Variants in GPHN observed in about 807,000 individuals in gnomAD.
The protein encoded by GPHN is gephyrin.
GPHN carries 17 observed loss-of-function variants against 95.5 expected under a neutral mutation model. The ratio of observed to expected loss-of-function variants is 0.18; its 90% CI spans 0.12 to 0.27. GPHN has a LOEUF of 0.27. GPHN is among the 10% of genes least tolerant of loss of function. GPHN has a pLI of 1.00. For synonymous variants in GPHN, 320 were observed against 322.5 expected, an observed-to-expected ratio of 0.99 and a Z score of 0.08; for missense variants, 660 against 978.1, an observed-to-expected ratio of 0.67 and a Z score of 4.34.
At chr14:66,595,205 A>C (rs2061922133) in intron 1 of GPHN, among the ~76,000 whole-genome samples, 1 of 152,214 alleles carries the variant, frequency 6.6e-6, no homozygotes, top group Admixed American at 6.5e-5. Flanking sequence ...TTGGGTTGTA[A>C]ATTAGTATTA....
At chr14:66,982,747 C>T (rs999700837) in intron 9 of GPHN, among the ~76,000 whole-genome samples, 1 of 152,128 alleles carries the variant, frequency 6.6e-6, no homozygotes, top group Admixed American at 6.6e-5. Context: ...ACATTCAATT[C>T]TCAGACTTTG....
the GPHN span, among the ~76,000 whole-genome samples, chr14:67,663,446 G>A: frequency 8.3e-3 from 1,263 of 152,192 alleles, 14 homozygotes; most frequent in Non-Finnish European, 0.012. Flanking sequence ...GGCCGAGGCG[G>A]GCGGATCATG....
rs1481230517 is a variant in GPHN, at chr14:67,143,342, T to G, written c.1749-20T>G. 3 of 1,518,724 alleles carry G rather than the reference T, an allele frequency of 2.0e-6. No homozygotes were observed. In the Admixed American group the frequency reaches 5.0e-5, roughly 25 times the overall value. 94.1% of individuals were successfully genotyped at this position (1,518,724 alleles called of 1,614,324 possible). The stretch of plus-strand genomic sequence containing the variant: ...ATCTTTTCCTTGTGTGTTAATTTCT[T>G]TGTCTTTATTTTTTTCCAGCCCAGA... On this transcript the variant is annotated intron_variant, in intron 17 of 22. Transcript: ENST00000478722.
At chr14:67,682,842 T>C in the GPHN span, among the ~76,000 whole-genome samples, 2 of 152,202 alleles carry the variant, frequency 1.3e-5, no homozygotes, top group Non-Finnish European at 2.9e-5. Flanking sequence ...GCCCATCACC[T>C]GATGAATGAA....
intron 10 of GPHN, among the ~76,000 whole-genome samples, chr14:67,057,413 G>GA (rs945615809): frequency 5.9e-5 from 9 of 151,480 alleles, no homozygotes; most frequent in African/African-American, 1.9e-4. Context: ...CACATGGGTG[G>GA]GGGGGGCAAC....
At chr14:67,303,439 A>G in the GPHN span, 7 of 1,091,992 alleles carry the variant, frequency 6.4e-6, no homozygotes, top group South Asian at 8.8e-5. Flanking sequence ...GAAATAGTCC[A>G]GTTTAGGGAA....
At chr14:66,541,527 C>T (rs1043179683) in intron 1 of GPHN, among the ~76,000 whole-genome samples, 73 of 152,282 alleles carry the variant, frequency 4.8e-4, no homozygotes, top group Middle Eastern at 3.4e-3. Flanking sequence ...TTTATATAGT[C>T]ATTTATTTGT....
chr14:67,627,316 T>TTG, the GPHN span, among the ~76,000 whole-genome samples: 4 of 150,056 alleles, frequency 2.7e-5, no homozygotes, highest in Non-Finnish European at 5.9e-5. Context: ...TTGATCTGTT[T>TTG]TGTGACTTGG....
At chr14:67,526,296 C>T in the GPHN span, among the ~76,000 whole-genome samples, 1 of 152,196 alleles carries the variant, frequency 6.6e-6, no homozygotes, top group Non-Finnish European at 1.5e-5. Flanking sequence ...CAAAAAGGAT[C>T]CTTGACTTGC....
chr14:67,055,162 G>C (rs2075499366), intron 10 of GPHN, among the ~76,000 whole-genome samples: 1 of 152,138 alleles, frequency 6.6e-6, no homozygotes, highest in Non-Finnish European at 1.5e-5. Flanking sequence ...ACAAACTACA[G>C]AATGGGAGAA....
the GPHN span, among the ~76,000 whole-genome samples, chr14:67,231,590 C>T: frequency 3.3e-4 from 51 of 152,276 alleles, no homozygotes; most frequent in Admixed American, 3.3e-3. Context: ...AATATTCTAT[C>T]TCCTGATTGC....
At chr14:67,662,707 C>T in the GPHN span, among the ~76,000 whole-genome samples, 1 of 152,064 alleles carries the variant, frequency 6.6e-6, no homozygotes, top group Admixed American at 6.5e-5. Context: ...AGTTCAAGAC[C>T]ACCCTGGCCA....
the GPHN span, chr14:67,715,119 T>G: frequency 6.6e-6 from 1 of 152,354 alleles, no homozygotes; most frequent in Non-Finnish European, 1.5e-5. Flanking sequence ...GTGCCAGCCT[T>G]CTCCACTTTG....
At chr14:66,851,386 G>C (rs2062577140) in intron 4 of GPHN, among the ~76,000 whole-genome samples, 1 of 151,826 alleles carries the variant, frequency 6.6e-6, no homozygotes, top group South Asian at 2.1e-4. Context: ...CTGTCACCCA[G>C]ACTGGAGTTA....
chr14:67,210,807 G>A, the GPHN span, among the ~76,000 whole-genome samples: 1 of 152,010 alleles, frequency 6.6e-6, no homozygotes, highest in Non-Finnish European at 1.5e-5. Context: ...GAGTCCAGGA[G>A]TTCGAGACCA....
the GPHN span, among the ~76,000 whole-genome samples, chr14:67,731,371 C>T: frequency 4.6e-5 from 7 of 151,754 alleles, no homozygotes; most frequent in Admixed American, 6.6e-5. Flanking sequence ...CATGCCACGA[C>T]GCCCAGCTAG....
the GPHN span, chr14:67,557,298 A>T: frequency 6.2e-7 from 1 of 1,613,804 alleles, no homozygotes; most frequent in East Asian, 2.2e-5. Context: ...AGGTAAAACT[A>T]TCCAATCTGA....
chr14:66,892,783 G>A (rs1458833894), intron 5 of GPHN, among the ~76,000 whole-genome samples: 2 of 152,082 alleles, frequency 1.3e-5, no homozygotes, highest in Non-Finnish European at 2.9e-5. Flanking sequence ...TTTTTGTTTG[G>A]GATGATGAAA....
intron 16 of GPHN, among the ~76,000 whole-genome samples, chr14:67,115,485 C>G (rs1311002727): frequency 2.0e-5 from 3 of 152,182 alleles, no homozygotes; most frequent in African/African-American, 7.2e-5. Flanking sequence ...GTAATCCCAG[C>G]ACTTTGGGAG....
Sources: allele counts gnomAD v4.1 joint callset (sites outside exome capture counted in the v4.1 genomes callset), GRCh38; gene constraint gnomAD v4.1.1; transcripts MANE v1.5; gene names NCBI Gene and HGNC (gene_info 2026-07-23, HGNC 2026-07-21).